Variants in BIRC6 observed in about 807,000 individuals in gnomAD.
The protein encoded by BIRC6 is baculoviral IAP repeat containing 6.
BIRC6 carries 98 observed loss-of-function variants against 503.3 expected under a neutral mutation model. That is an observed-to-expected ratio of 0.19 (90% CI 0.17 to 0.23). The LOEUF (loss-of-function observed/expected upper bound fraction) is 0.23. Among genes scored for constraint, BIRC6 ranks in the 10% least tolerant of loss-of-function variants. The pLI, the probability that BIRC6 is intolerant of heterozygous loss-of-function variation, is 1.00. For missense variants in BIRC6, 5,360 were observed against 5,806.0 expected, an observed-to-expected ratio of 0.92 and a Z score of 2.50; for synonymous variants, 2,240 against 2,078.7, an observed-to-expected ratio of 1.08 and a Z score of -2.11.
At chr2:32,475,159 TAAAAAAAA>T (rs11394641) in intron 33 of BIRC6, among the ~76,000 whole-genome samples, 2 of 114,220 alleles carry the variant, frequency 1.8e-5, no homozygotes, top group Non-Finnish European at 1.7e-5. Context: ...AAGACTATCT[TAAAAAAAA>T]AAAAAAAAAA....
At chr2:32,362,083 A>G (rs1380990227) in intron 1 of BIRC6, among the ~76,000 whole-genome samples, 1 of 152,206 alleles carries the variant, frequency 6.6e-6, no homozygotes, top group Admixed American at 6.5e-5. Context: ...ATGTGAGAGT[A>G]TGTTTACTTT....
intron 6 of BIRC6, among the ~76,000 whole-genome samples, chr2:32,397,630 G>GTA (rs199832130): frequency 0.024 from 2,929 of 122,512 alleles, 67 homozygotes; most frequent in Middle Eastern, 0.057. Flanking sequence ...ATATATATAT[G>GTA]TATATATATA....
In BIRC6 at chr2:32,502,797, C is replaced by T. The variant is rs1572660145; in HGVS notation, c.9210C>T (p.Gly3070=). ...YMACGYMGRQ[G]SLATCQLSEP... ...AATATGCATATTTCATTTTTTAGGG[C>T]TCTCTTGCTACTTGCCAGTTATCTG... is the stretch of plus-strand genomic sequence containing the variant. Residue 3070 remains glycine, a splice_region_variant and synonymous_variant, in exon 48 of 74, where the codon GGC becomes GGT. Transcript: ENST00000421745. The T allele has an allele frequency of 1.2e-6, 2 of 1,608,188 alleles. No individual in the cohort carries two copies. Among genetic ancestry groups the T allele is most frequent in the Non-Finnish European group, 1.7e-6 (2 of 1,177,338 alleles).
intron 30 of BIRC6, 23 bp downstream of exon 30, chr2:32,469,637 T>A: frequency 6.4e-7 from 1 of 1,558,516 alleles, no homozygotes; most frequent in South Asian, 1.2e-5. Context: ...ATGTTGGAGG[T>A]ATTTGTTATT....
intron 10 of BIRC6, among the ~76,000 whole-genome samples, chr2:32,423,562 G>A (rs1037432854): frequency 3.1e-4 from 47 of 152,212 alleles, no homozygotes; most frequent in African/African-American, 1.1e-3. Context: ...TTGTCCTTTT[G>A]TGTCTGGTTT....
Position 32,357,143 on chromosome 2 carries a change from G to C in BIRC6, c.-19G>C. On this transcript the variant is annotated 5_prime_UTR_variant, in exon 1 of 74. Transcript: ENST00000421745. The surrounding 1 kb of genome is among the most constrained non-coding windows in gnomAD (Gnocchi z 4.9). ...ACTTCACTTCCGGCTAACGCGCTCG[G>C]CTTGCCCCCTGGCCCCGGATGGTGA... 2.7e-6 allele frequency: 4 copies of C among 1,478,780 alleles called. No individual in the cohort carries two copies. The highest frequency in any genetic ancestry group is 3.5e-6 in the Non-Finnish European group (4 of 1,129,750). 91.6% of individuals were successfully genotyped at this position (1,478,780 alleles called of 1,614,324 possible).
chr2:32,448,528 G>C (rs2046335331), intron 21 of BIRC6, among the ~76,000 whole-genome samples: 1 of 152,188 alleles, frequency 6.6e-6, no homozygotes, highest in African/African-American at 2.4e-5. Flanking sequence ...ACGCGCGCCT[G>C]CAATGGCAGG....
In BIRC6 at chr2:32,543,434, G is replaced by T. The variant is rs755774213; in HGVS notation, c.12485G>T (p.Gly4162Val). Residue 4162 changes from glycine (G) to valine (V), a missense_variant, in exon 62 of 74, where the codon GGA (glycine) becomes GTA (valine). By Grantham distance (109) the Gly-to-Val change is moderately radical. Around this residue, in one of 16 missense-constraint regions of BIRC6, gnomAD observed 477 missense variants for 574.4 expected, o/e 0.83. Coordinates refer to ENST00000421745, the MANE Select transcript of BIRC6 (RefSeq NM_016252.4). Reference protein sequence around the residue: ...PIPAHSLAAFGLFLRLPGYAE... With the variant: ...PIPAHSLAAFVLFLRLPGYAE... ...CCTGCCCATTCTTTGGCTGCTTTTGGATTATTTCTTCGTCTTCCGGGCTAT... is the reference window on the plus strand; with the variant it reads ...CCTGCCCATTCTTTGGCTGCTTTTGTATTATTTCTTCGTCTTCCGGGCTAT... 1 of 1,614,012 alleles carries T rather than the reference G, an allele frequency of 6.2e-7. No individual in the cohort carries two copies. Among genetic ancestry groups the T allele is most frequent in the South Asian group, 1.1e-5 (1 of 91,080 alleles).
At position 32,617,949 on chromosome 2, in the gene BIRC6, A is replaced by G. The variant is rs367892311; in HGVS notation, c.*45A>G. ...CATAGACACAAAGGCTTCGAAGCAC[A>G]AGCCAAATATGTCAATATTTGTATG... On this transcript the variant is annotated 3_prime_UTR_variant, in exon 74 of 74. Coordinates refer to ENST00000421745, the MANE Select transcript of BIRC6 (RefSeq NM_016252.4). The G allele has an allele frequency of 1.2e-5, 19 of 1,549,656 alleles. No homozygotes were observed. In the African/African-American group the frequency reaches 2.3e-4, roughly 19 times the overall value.
Position 32,465,184 on chromosome 2 carries a change from AATT to A in BIRC6, c.5356+21_5356+23del. ...ATTCAGGTAATCTTTTACTTTCTTA[AATT>A]TTTTTTTTTTTTTTTTTGCTTAGTC... On this transcript the variant is annotated intron_variant, in intron 26 of 73. Transcript: ENST00000421745. 7 of 1,289,598 alleles carry A rather than the reference AATT, an allele frequency of 5.4e-6. No individual in the cohort carries two copies. Among genetic ancestry groups the A allele is most frequent in the South Asian group, 3.1e-5 (2 of 65,136 alleles). The allele number at this position is 1,289,598 out of a possible 1,614,324, so 79.9% of individuals were successfully genotyped here.
chr2:32,504,134 A>T lies in BIRC6; in HGVS notation c.9500-871A>T, dbSNP rs184749167. Among the ~76,000 whole-genome samples the T allele has an allele frequency of 6.0e-5, 9 of 150,366 alleles. No individual in the cohort carries two copies. In the East Asian group the frequency reaches 1.8e-3, roughly 30 times the overall value. On this transcript the variant is annotated intron_variant, in intron 49 of 73. Transcript: ENST00000421745. ...AGGCTGGTCTTGAACTCCTGGCCCC[A>T]AGTGATCCCCCACCTTGGCCTCCCA...
intron 16 of BIRC6, among the ~76,000 whole-genome samples, 174 bp downstream of exon 16, chr2:32,439,860 TA>T (rs1407565453): frequency 6.6e-6 from 1 of 152,210 alleles, no homozygotes; most frequent in Non-Finnish European, 1.5e-5. Flanking sequence ...ATGTTTGAGT[TA>T]ACTTTATTAT....
Position 32,494,331 on chromosome 2 carries a change from G to A in BIRC6, c.8468+664G>A, listed in dbSNP as rs536854894. On this transcript the variant is annotated intron_variant, in intron 45 of 73. Coordinates refer to ENST00000421745, the MANE Select transcript of BIRC6 (RefSeq NM_016252.4). ...CAACCTCCGCCTCCTGGGTTGAAGC[G>A]ATTCTCATGCCTCAGCCTCCCCAGT... 2.6e-5 allele frequency among the ~76,000 whole-genome samples: 4 copies of A among 151,706 alleles called. No individual in the cohort carries two copies. The South Asian group carries it at 6.2e-4, about 24-fold the overall frequency.
rs140538005 is a variant in BIRC6, at chr2:32,408,158, G to A, written c.1477+1601G>A. On this transcript the variant is annotated intron_variant, in intron 9 of 73. Transcript: ENST00000421745. Reference sequence around the variant, plus strand: ...AATTTTTGTATCTTTAGTAGAGATGGGGTTTCACCATGTTGGCCAGGCTCA... The same window carrying A: ...AATTTTTGTATCTTTAGTAGAGATGAGGTTTCACCATGTTGGCCAGGCTCA... Among the ~76,000 whole-genome samples, 69 of 152,204 alleles carry A rather than the reference G, an allele frequency of 4.5e-4. No homozygotes were observed. In the East Asian group the frequency reaches 0.011, roughly 24 times the overall value.
intron 65 of BIRC6, among the ~76,000 whole-genome samples, chr2:32,567,614 T>C (rs866956882): frequency 2.8e-4 from 43 of 152,232 alleles, no homozygotes; most frequent in African/African-American, 9.6e-4. Flanking sequence ...GCACTAAAGC[T>C]AAATGTACCA....
intron 66 of BIRC6, among the ~76,000 whole-genome samples, chr2:32,579,955 GTTT>G (rs566605734): frequency 3.8e-5 from 5 of 132,710 alleles, no homozygotes. Flanking sequence ...AACCAGGCAG[GTTT>G]TTTTTTTTTT....
At chr2:32,401,408 C>G (rs924330671) in intron 7 of BIRC6, 23 bp downstream of exon 7, 2 of 1,612,572 alleles carry the variant, frequency 1.2e-6, no homozygotes, top group African/African-American at 2.7e-5. Flanking sequence ...TTTGAAGTAA[C>G]AAATTAGTAA....
chr2:32,598,901 T>C (rs1458160888), intron 69 of BIRC6, among the ~76,000 whole-genome samples: 7 of 151,152 alleles, frequency 4.6e-5, no homozygotes, highest in South Asian at 2.1e-4. Context: ...CAGGCACCTA[T>C]AATCCCAGTA....
intron 73 of BIRC6, among the ~76,000 whole-genome samples, chr2:32,614,324 C>T (rs752482515): frequency 6.6e-6 from 1 of 152,168 alleles, no homozygotes; most frequent in Non-Finnish European, 1.5e-5. Context: ...TAGTGCATTA[C>T]CAGGCTGATC....
Sources: allele counts gnomAD v4.1 joint callset (sites outside exome capture counted in the v4.1 genomes callset), GRCh38; gene constraint gnomAD v4.1.1; regional missense constraint gnomAD v4.1.1; non-coding constraint Gnocchi (gnomAD v3.1); transcripts MANE v1.5; gene names NCBI Gene and HGNC (gene_info 2026-07-23, HGNC 2026-07-21).